The following LOC128092253 variants were observed in gnomAD, a reference collection of about 807,000 sequenced individuals.
the LOC128092253 span, among the ~76,000 whole-genome samples, chr6:133,979,670 A>G: frequency 1.3e-5 from 2 of 152,180 alleles, no homozygotes; most frequent in South Asian, 4.1e-4. Context: ...TTGTTTTGAC[A>G]GAGTCTCACT....
At chr6:133,974,278 G>C in the LOC128092253 span, among the ~76,000 whole-genome samples, 14 of 152,146 alleles carry the variant, frequency 9.2e-5, no homozygotes, top group African/African-American at 3.4e-4. Context: ...TGGATGTGCA[G>C]GTTGTTTCTG....
the LOC128092253 span, among the ~76,000 whole-genome samples, chr6:133,960,051 T>C: frequency 6.6e-6 from 1 of 152,222 alleles, no homozygotes; most frequent in Non-Finnish European, 1.5e-5. Context: ...CACCTACTTA[T>C]GGCTGCAGTG....
At chr6:133,976,139 C>G in the LOC128092253 span, among the ~76,000 whole-genome samples, 2 of 152,022 alleles carry the variant, frequency 1.3e-5, no homozygotes, top group Admixed American at 6.6e-5. Flanking sequence ...AAAAAAAGAT[C>G]GTTAACTCTT....
At chr6:133,964,226 T>C in the LOC128092253 span, among the ~76,000 whole-genome samples, 3 of 152,322 alleles carry the variant, frequency 2.0e-5, no homozygotes, top group East Asian at 5.8e-4. Flanking sequence ...TTCTGATCTC[T>C]AGCCAAGTTC....
chr6:133,963,699 G>A, the LOC128092253 span, among the ~76,000 whole-genome samples: 1 of 152,066 alleles, frequency 6.6e-6, no homozygotes, highest in African/African-American at 2.4e-5. Context: ...GGGATTACAG[G>A]CATGAGTCCA....
chr6:133,970,657 G>A, the LOC128092253 span, among the ~76,000 whole-genome samples: 1 of 150,846 alleles, frequency 6.6e-6, no homozygotes, highest in South Asian at 2.1e-4. Flanking sequence ...CACCCAGGCT[G>A]GAATGCCGTG....
At chr6:133,960,924 A>T in the LOC128092253 span, among the ~76,000 whole-genome samples, 1 of 152,370 alleles carries the variant, frequency 6.6e-6, no homozygotes, top group South Asian at 2.1e-4. Context: ...TTTAATTAAA[A>T]TAATTCTTTT....
At chr6:133,979,943 G>C in the LOC128092253 span, 1 of 651,632 alleles carries the variant, frequency 1.5e-6, no homozygotes, top group Non-Finnish European at 2.2e-6. Flanking sequence ...CACTGTGCCC[G>C]GCCAGGGACA....
At chr6:133,980,033 G>A in the LOC128092253 span, 1 of 1,271,772 alleles carries the variant, frequency 7.9e-7, no homozygotes, top group Non-Finnish European at 1.0e-6. Flanking sequence ...TGTGAAAAGT[G>A]AATTAACAAC....
At chr6:133,967,257 T>C in the LOC128092253 span, among the ~76,000 whole-genome samples, 4 of 152,228 alleles carry the variant, frequency 2.6e-5, no homozygotes, top group Non-Finnish European at 5.9e-5. Context: ...ATGAAGGTGA[T>C]GCTCAGCTGT....
the LOC128092253 span, among the ~76,000 whole-genome samples, chr6:133,979,232 C>G: frequency 6.6e-6 from 1 of 152,010 alleles, no homozygotes; most frequent in Non-Finnish European, 1.5e-5. Flanking sequence ...TATAGGTGTT[C>G]AGAAAGAAAA....
chr6:133,959,236 C>T, the LOC128092253 span, among the ~76,000 whole-genome samples: 7 of 152,064 alleles, frequency 4.6e-5, no homozygotes, highest in Non-Finnish European at 1.0e-4. Context: ...TGCAGGGTTT[C>T]CCCATGTTGG....
the LOC128092253 span, among the ~76,000 whole-genome samples, chr6:133,953,908 C>T: frequency 6.6e-6 from 1 of 152,148 alleles, no homozygotes; most frequent in African/African-American, 2.4e-5. Context: ...TCGTCGGTTT[C>T]TGATTCTGGC....
At chr6:133,978,760 A>C in the LOC128092253 span, among the ~76,000 whole-genome samples, 1 of 152,224 alleles carries the variant, frequency 6.6e-6, no homozygotes, top group South Asian at 2.1e-4. Flanking sequence ...ACTGTGTTCT[A>C]TCAGAAACTT....
At chr6:133,954,166 A>AT in the LOC128092253 span, among the ~76,000 whole-genome samples, 1 of 152,208 alleles carries the variant, frequency 6.6e-6, no homozygotes, top group Non-Finnish European at 1.5e-5. Context: ...GCTCATTGCA[A>AT]TAAGACTCAA....
chr6:133,954,258 G>A, the LOC128092253 span, among the ~76,000 whole-genome samples: 1 of 152,214 alleles, frequency 6.6e-6, no homozygotes, highest in East Asian at 1.9e-4. Flanking sequence ...GTAAGTGCAT[G>A]AGCTTCTGTA....
chr6:133,976,366 T>A, the LOC128092253 span, among the ~76,000 whole-genome samples: 2 of 152,232 alleles, frequency 1.3e-5, no homozygotes, highest in African/African-American at 4.8e-5. Flanking sequence ...TGGGAATATA[T>A]AGACCTATAA....
chr6:133,956,365 G>A, the LOC128092253 span, among the ~76,000 whole-genome samples: 2 of 152,198 alleles, frequency 1.3e-5, no homozygotes, highest in Non-Finnish European at 2.9e-5. Context: ...AGCTGGATGA[G>A]AGAGGTATTT....
chr6:133,967,926 T>C, the LOC128092253 span, among the ~76,000 whole-genome samples: 6 of 152,152 alleles, frequency 3.9e-5, no homozygotes, highest in African/African-American at 7.2e-5. Context: ...CAGACAAATA[T>C]ATGGATTTAG....
Sources: allele counts gnomAD v4.1 joint callset (sites outside exome capture counted in the v4.1 genomes callset), GRCh38; gene constraint gnomAD v4.1.1; transcripts MANE v1.5.